PPL: variants seen among roughly 807,000 people sequenced by gnomAD.
The protein encoded by PPL is 190 kDa paraneoplastic pemphigus antigen.
PPL carries 198 observed loss-of-function variants against 194.4 expected under a neutral mutation model. The ratio of observed to expected loss-of-function variants is 1.02; its 90% CI spans 0.91 to 1.15. The LOEUF is 1.15. Among genes scored for constraint, PPL ranks in the 50% most tolerant of loss-of-function variants. PPL has a pLI of 0.00. For missense variants in PPL, 2,885 were observed against 2,294.8 expected, an observed-to-expected ratio of 1.26 and a Z score of -5.25; for synonymous variants, 1,220 against 972.4, an observed-to-expected ratio of 1.25 and a Z score of -4.74.
At position 4,900,731 on chromosome 16, in the gene PPL, C is replaced by T; in HGVS notation, c.606+99G>A. 4 of 1,528,386 alleles carry T rather than the reference C, an allele frequency of 2.6e-6. No individual in the cohort carries two copies. The Admixed American group carries it at 6.8e-5, about 26-fold the overall frequency. The allele number at this position is 1,528,386 out of a possible 1,614,324, so 94.7% of individuals were successfully genotyped here. The stretch of plus-strand genomic sequence containing the variant: ...AGGCGTGAGCCACCATGCCCAGCTG[C>T]CTATGTCATTTTTAAAACAATACAT... On this transcript the variant is annotated intron_variant, in intron 6 of 21. Coordinates refer to ENST00000345988, the MANE Select transcript of PPL (RefSeq NM_002705.5).
rs142943814 is a variant in PPL at position 4,885,504 on chromosome 16, T to C, written c.3151A>G (p.Lys1051Glu). The change falls in exon 22 of 22, where the codon AAG becomes GAG. Residue 1051 changes from lysine to glutamate, a missense_variant. Coordinates refer to ENST00000345988, the MANE Select transcript of PPL (RefSeq NM_002705.5). The surrounding 1 kb of genome is among the most constrained non-coding windows in gnomAD (Gnocchi z 6.3). The part of the protein sequence containing the change: ...LAEEKSRAQE[K>E]VTEKEVVKLQ... ...TTCACCACCTCTTTCTCTGTGACCT[T>C]CTCCTGCGCCCGGCTCTTCTCTTCA... 1.1e-3 allele frequency: 1,852 copies of C among 1,611,432 alleles called. 1 individual carries two copies. The highest frequency in any genetic ancestry group is 1.5e-3 in the Non-Finnish European group (1,773 of 1,179,806).
Position 4,885,076 on chromosome 16 carries a change from C to T in PPL, c.3579G>A (p.Leu1193=). ...KAESEVANLR[L]ELVEQERKYR... is the part of the protein sequence containing the mutation. Reference sequence around the variant, plus strand: ...ACTTTCGCTCCTGCTCCACAAGCTCCAGGCGGAGGTTCGCCACTTCACTTT... The same window carrying T: ...ACTTTCGCTCCTGCTCCACAAGCTCTAGGCGGAGGTTCGCCACTTCACTTT... Residue 1193 remains leucine, a synonymous_variant, in exon 22 of 22, where the codon CTG becomes CTA. Coordinates refer to ENST00000345988, the MANE Select transcript of PPL (RefSeq NM_002705.5). This position sits in a 1 kb window ranked among gnomAD's most constrained non-coding sequence, Gnocchi z 6.3. 1.2e-6 allele frequency: 2 copies of T among 1,613,760 alleles called. No homozygotes were observed. Among genetic ancestry groups the T allele is most frequent in the Admixed American group, 1.7e-5 (1 of 60,028 alleles).
intron 18 of PPL, 121 bp from the exon 19 acceptor site, chr16:4,889,182 G>A: frequency 2.9e-6 from 2 of 694,870 alleles, no homozygotes; most frequent in Non-Finnish European, 2.5e-6. Flanking sequence ...AAAGTATGAT[G>A]AATGGCTCCC....
At position 4,906,966 on chromosome 16, in the gene PPL, C is replaced by A. The variant is rs114239807; in HGVS notation, c.163-2926G>T. Among the ~76,000 whole-genome samples, 406 of 151,870 alleles carry A rather than the reference C, an allele frequency of 2.7e-3. 1 individual carries two copies. Among genetic ancestry groups the A allele is most frequent in the African/African-American group, 9.2e-3 (382 of 41,426 alleles). On this transcript the variant is annotated intron_variant, in intron 2 of 21. Transcript: ENST00000345988. ...AAAAGTTTTTTAAAGTCACAGGGGC[C>A]AGGTGCAGTGGCTCACGCCTATAAT...
chr16:4,935,778 G>C (rs549352955), intron 1 of PPL, among the ~76,000 whole-genome samples: 3 of 152,226 alleles, frequency 2.0e-5, no homozygotes, highest in Admixed American at 2.0e-4. Context: ...GACTGCAGGG[G>C]TTGAGTGGGA....
At chr16:4,891,599 A>G in intron 16 of PPL, 2 of 558,480 alleles carry the variant, frequency 3.6e-6, no homozygotes, top group South Asian at 5.7e-5. Flanking sequence ...TTGATCTTAA[A>G]ATGCTGGCAC....
chr16:4,924,558 G>A (rs1246298601), intron 1 of PPL, among the ~76,000 whole-genome samples: 2 of 152,164 alleles, frequency 1.3e-5, no homozygotes, highest in Non-Finnish European at 2.9e-5. Flanking sequence ...TTTGAACCCC[G>A]TGACTCCTCC....
chr16:4,936,499 G>A (rs1327690750), intron 1 of PPL, among the ~76,000 whole-genome samples: 4 of 152,146 alleles, frequency 2.6e-5, no homozygotes, highest in Non-Finnish European at 5.9e-5. Context: ...GCTGGAGAGC[G>A]CCCCCCGACG....
intron 2 of PPL, among the ~76,000 whole-genome samples, chr16:4,909,706 C>T (rs1357492535): frequency 2.0e-5 from 3 of 152,210 alleles, no homozygotes; most frequent in Admixed American, 6.5e-5. Flanking sequence ...GGATTACGGC[C>T]GTGTGAGCCA....
chr16:4,934,062 G>C (rs190353169), intron 1 of PPL, among the ~76,000 whole-genome samples: 4 of 152,354 alleles, frequency 2.6e-5, no homozygotes, highest in African/African-American at 9.6e-5. Context: ...CAGCTCCTCT[G>C]AGGTCGCACA....
chr16:4,887,067 AAGAC>A (rs1379807178), intron 21 of PPL, 64 bp downstream of exon 21: 4 of 1,298,104 alleles, frequency 3.1e-6, no homozygotes, highest in Non-Finnish European at 2.2e-6. Flanking sequence ...CCATTTCTCT[AAGAC>A]AGAGTCTGTA....
chr16:4,914,326 C>A (rs1172230091), intron 1 of PPL, among the ~76,000 whole-genome samples: 1 of 152,182 alleles, frequency 6.6e-6, no homozygotes, highest in African/African-American at 2.4e-5. Flanking sequence ...CAGAGCTGGG[C>A]CCAGGAAGCT....
rs746500828 is a variant in PPL, at chr16:4,910,919, G to T, written c.93C>A (p.Ile31=). The T allele has an allele frequency of 1.9e-6, 3 of 1,613,332 alleles. No homozygotes were observed. Among genetic ancestry groups the T allele is most frequent in the Non-Finnish European group, 2.5e-6 (3 of 1,179,992 alleles). The part of the protein sequence containing the change: ...SISNKELSEL[I]EQLQKNADQV... Reference sequence around the variant, plus strand: ...GGTCGGCATTCTTCTGCAGCTGCTCGATCAGCTCCGAGAGCTCCTTGTTAG... The same window carrying T: ...GGTCGGCATTCTTCTGCAGCTGCTCTATCAGCTCCGAGAGCTCCTTGTTAG... Residue 31 remains isoleucine (I), a synonymous_variant, in exon 2 of 22, where the codon ATC becomes ATA. Coordinates refer to ENST00000345988, the MANE Select transcript of PPL (RefSeq NM_002705.5).
In PPL at chr16:4,884,650, C is replaced by T; in HGVS notation, c.4005G>A (p.Gln1335=). 6.2e-7 allele frequency: 1 copy of T among 1,614,192 alleles called. No individual in the cohort carries two copies. The highest frequency in any genetic ancestry group is 1.1e-5 in the South Asian group (1 of 91,080). The change falls in exon 22 of 22, where the codon CAG becomes CAA. Residue 1335 remains glutamine, a synonymous_variant. Transcript: ENST00000345988. The surrounding 1 kb of genome is among the most constrained non-coding windows in gnomAD (Gnocchi z 5.7). The stretch of plus-strand genomic sequence containing the variant: ...AGAGCTCCTCCTCTTTCCGGGCGAT[C>T]TGCTCTTCCTGGGAAGCTCTTTCCC... The part of the protein sequence containing the change: ...LERERASQEE[Q]IARKEEELSR...
At chr16:4,932,500 C>A (rs1596593523) in intron 1 of PPL, among the ~76,000 whole-genome samples, 3 of 150,788 alleles carry the variant, frequency 2.0e-5, no homozygotes, top group East Asian at 3.9e-4. Context: ...ATCTCTGCCT[C>A]CCAGGTTCAA....
chr16:4,936,382 G>A (rs954340414), intron 1 of PPL, among the ~76,000 whole-genome samples: 1 of 152,122 alleles, frequency 6.6e-6, no homozygotes, highest in Non-Finnish European at 1.5e-5. Context: ...CGGCTCTGGC[G>A]CGCAGGGTGG....
At chr16:4,892,561 G>A (rs1176303001) in intron 14 of PPL, among the ~76,000 whole-genome samples, 1 of 152,210 alleles carries the variant, frequency 6.6e-6, no homozygotes, top group East Asian at 1.9e-4. Context: ...GGGTGGGGGT[G>A]TGACGACTCC....
Position 4,884,483 on chromosome 16 carries a change from C to CGCCGCAGCT in PPL, c.4163_4171dup (p.Arg1390_Arg1391insGlnLeuArg). Reference sequence around the variant, plus strand: ...AAGCTCGGTGCGCCGGCGCTGCAGCCGCCGCAGCTCTGCCCGCAGCTTGTC... The same window carrying CGCCGCAGCT: ...AAGCTCGGTGCGCCGGCGCTGCAGCCGCCGCAGCTGCCGCAGCTCTGCCCGCAGCTTGTC... On this transcript the variant is annotated inframe_insertion, in exon 22 of 22. Coordinates refer to ENST00000345988, the MANE Select transcript of PPL (RefSeq NM_002705.5). The surrounding 1 kb of genome is among the most constrained non-coding windows in gnomAD (Gnocchi z 5.7). The CGCCGCAGCT allele has an allele frequency of 6.2e-7, 1 of 1,603,586 alleles. No homozygotes were observed. Among genetic ancestry groups the CGCCGCAGCT allele is most frequent in the Non-Finnish European group, 8.5e-7 (1 of 1,177,716 alleles).
chr16:4,934,067 C>T (rs1200616236), intron 1 of PPL, among the ~76,000 whole-genome samples: 2 of 152,194 alleles, frequency 1.3e-5, no homozygotes, highest in South Asian at 2.1e-4. Context: ...CCTCTGAGGT[C>T]GCACAGCCAG....
Sources: allele counts gnomAD v4.1 joint callset (sites outside exome capture counted in the v4.1 genomes callset), GRCh38; gene constraint gnomAD v4.1.1; non-coding constraint Gnocchi (gnomAD v3.1); transcripts MANE v1.5; gene names NCBI Gene and HGNC (gene_info 2026-07-23, HGNC 2026-07-21).